Variants in MDGA2 observed in about 807,000 individuals in gnomAD.
MDGA2 encodes the protein MAM domain containing glycosylphosphatidylinositol anchor 2, also known as MAM domain-containing glycosylphosphatidylinositol anchor protein 2.
A neutral mutation model predicts 117.8 loss-of-function variants in MDGA2; 40 were observed. The ratio of observed to expected loss-of-function variants is 0.34; its 90% confidence interval spans 0.26 to 0.44. MDGA2 has a LOEUF of 0.44. MDGA2 is among the 20% of genes least tolerant of loss of function. The pLI is 1.00. For synonymous variants in MDGA2, 452 were observed against 439.0 expected, an observed-to-expected ratio of 1.03 and a Z score of -0.37; for missense variants, 1,123 against 1,250.6, an observed-to-expected ratio of 0.90 and a Z score of 1.54.
chr14:47,128,076 A>G (rs1881993791), intron 5 of MDGA2, among the ~76,000 whole-genome samples: 1 of 152,160 alleles, frequency 6.6e-6, no homozygotes, highest in Non-Finnish European at 1.5e-5. Flanking sequence ...GGAAAATGAT[A>G]AAAATCACAT....
chr14:47,229,096 G>A (rs147928860), intron 2 of MDGA2, among the ~76,000 whole-genome samples: 1 of 152,250 alleles, frequency 6.6e-6, no homozygotes, highest in African/African-American at 2.4e-5. Flanking sequence ...GCCAGCCAAA[G>A]GCTAACCTGG....
At chr14:47,324,834 C>T (rs561269307) in intron 1 of MDGA2, among the ~76,000 whole-genome samples, 1 of 151,408 alleles carries the variant, frequency 6.6e-6, no homozygotes, top group Non-Finnish European at 1.5e-5. Context: ...GTATTGTATA[C>T]ACAGAGAGAG....
chr14:46,847,281 G>A (rs1295799515), intron 15 of MDGA2, among the ~76,000 whole-genome samples: 1 of 152,010 alleles, frequency 6.6e-6, no homozygotes, highest in Non-Finnish European at 1.5e-5. Flanking sequence ...ATACAGATAT[G>A]ATAAATATGG....
At chr14:47,209,600 T>A (rs912884131) in intron 3 of MDGA2, among the ~76,000 whole-genome samples, 14 of 152,208 alleles carry the variant, frequency 9.2e-5, no homozygotes, top group African/African-American at 3.4e-4. Context: ...TTCTCTAATG[T>A]CTTCTGAACA....
intron 8 of MDGA2, among the ~76,000 whole-genome samples, chr14:47,019,246 T>A (rs1028075255): frequency 3.3e-5 from 5 of 152,076 alleles, no homozygotes; most frequent in African/African-American, 1.2e-4. Flanking sequence ...GCCGATGTCT[T>A]GAGTATAATG....
chr14:47,154,194 T>C (rs553168243), intron 3 of MDGA2, among the ~76,000 whole-genome samples: 1 of 152,328 alleles, frequency 6.6e-6, no homozygotes, highest in African/African-American at 2.4e-5. Flanking sequence ...ATTCCTAGGA[T>C]AAAATAAAAC....
At position 47,247,801 on chromosome 14, in the gene MDGA2, C is replaced by G. The variant is rs527947617; in HGVS notation, c.421-29606G>C. The stretch of plus-strand genomic sequence containing the variant: ...ATACTAACCCTCTCCTAGCACCCCC[C>G]ACTCCCTGATAGGCCCCGACGTGTG... On this transcript the variant is annotated intron_variant, in intron 2 of 16. Transcript: ENST00000399232. Among the ~76,000 whole-genome samples, 33 of 151,362 alleles carry G rather than the reference C, an allele frequency of 2.2e-4. 1 individual carries two copies. The South Asian group carries it at 6.5e-3, about 30-fold the overall frequency.
At chr14:46,939,455 T>G (rs1884914756) in intron 9 of MDGA2, among the ~76,000 whole-genome samples, 1 of 152,176 alleles carries the variant, frequency 6.6e-6, no homozygotes, top group Non-Finnish European at 1.5e-5. Context: ...GATCTTTCTA[T>G]TCATGACCTT....
intron 1 of MDGA2, among the ~76,000 whole-genome samples, chr14:47,532,030 C>T (rs1177875613): frequency 6.6e-6 from 1 of 152,174 alleles, no homozygotes; most frequent in Non-Finnish European, 1.5e-5. Context: ...ATTCTCTAGT[C>T]CACCTCAGGA....
intron 1 of MDGA2, among the ~76,000 whole-genome samples, chr14:47,373,682 C>A (rs1343734668): frequency 6.6e-6 from 1 of 151,900 alleles, no homozygotes; most frequent in Non-Finnish European, 1.5e-5. Flanking sequence ...TGAGTGACTG[C>A]TAATGGATAG....
At chr14:46,865,574 T>G (rs1881720789) in intron 14 of MDGA2, among the ~76,000 whole-genome samples, 1 of 152,210 alleles carries the variant, frequency 6.6e-6, no homozygotes, top group East Asian at 1.9e-4. Context: ...TAAAGGGTAT[T>G]CAATTAGGAA....
chr14:47,217,019 C>A (rs2139506992), intron 3 of MDGA2, among the ~76,000 whole-genome samples: 1 of 152,126 alleles, frequency 6.6e-6, no homozygotes, highest in Non-Finnish European at 1.5e-5. Context: ...GTGTGGAAAG[C>A]AAATTACAAG....
chr14:47,243,521 T>C (rs1297114050), intron 2 of MDGA2, among the ~76,000 whole-genome samples: 1 of 151,622 alleles, frequency 6.6e-6, no homozygotes, highest in Non-Finnish European at 1.5e-5. Flanking sequence ...AGCGAAGATC[T>C]GCAGCTTCAC....
intron 1 of MDGA2, among the ~76,000 whole-genome samples, chr14:47,566,461 G>T (rs957932036): frequency 6.6e-6 from 1 of 152,140 alleles, no homozygotes; most frequent in African/African-American, 2.4e-5. Context: ...AGGGGAGCAA[G>T]GCAATCCTAG....
intron 1 of MDGA2, among the ~76,000 whole-genome samples, chr14:47,598,136 A>C (rs187046314): frequency 6.6e-6 from 1 of 152,190 alleles, no homozygotes; most frequent in Non-Finnish European, 1.5e-5. Context: ...ATTCACACCT[A>C]TTATGAAGGT....
At chr14:47,544,924 T>C (rs538407612) in intron 1 of MDGA2, among the ~76,000 whole-genome samples, 1 of 152,326 alleles carries the variant, frequency 6.6e-6, no homozygotes, top group African/African-American at 2.4e-5. Flanking sequence ...TAAAACAATC[T>C]TTTCTAAATT....
At chr14:47,155,811 C>T (rs1248789802) in intron 3 of MDGA2, among the ~76,000 whole-genome samples, 2 of 150,838 alleles carry the variant, frequency 1.3e-5, no homozygotes, top group Non-Finnish European at 1.5e-5. Context: ...TTCTGGCTGG[C>T]AAAGCGACAC....
intron 8 of MDGA2, among the ~76,000 whole-genome samples, chr14:46,961,590 A>G (rs780567719): frequency 2.0e-5 from 3 of 152,166 alleles, no homozygotes; most frequent in Non-Finnish European, 2.9e-5. Flanking sequence ...CTGAAAAAGT[A>G]GTTAAGCTTA....
chr14:46,957,146 T>C (rs1340605547), intron 9 of MDGA2, among the ~76,000 whole-genome samples: 1 of 152,196 alleles, frequency 6.6e-6, no homozygotes, highest in African/African-American at 2.4e-5. Context: ...TCACTAACTC[T>C]ACTAGAATTC....
Sources: allele counts gnomAD v4.1 joint callset (sites outside exome capture counted in the v4.1 genomes callset), GRCh38; gene constraint gnomAD v4.1.1; transcripts MANE v1.5; gene names NCBI Gene and HGNC (gene_info 2026-07-23, HGNC 2026-07-21).